MLF1: variants seen among roughly 807,000 people sequenced by gnomAD.
The protein encoded by MLF1 is myelodysplasia-myeloid leukemia factor 1.
In MLF1, 37 loss-of-function variants were observed where a neutral mutation model predicts 38.3. The ratio of observed to expected loss-of-function variants is 0.96; its 90% CI spans 0.74 to 1.27. The LOEUF (loss-of-function observed/expected upper bound fraction) is 1.27. Ranked by LOEUF, MLF1 falls within the 50% of genes most tolerant of loss-of-function variation. The pLI is 0.00. For missense variants in MLF1, 331 were observed against 349.2 expected (o/e 0.95, Z 0.42); for synonymous variants, 95 against 106.5 (o/e 0.89, Z 0.66).
rs1720456681 is a variant in MLF1 at position 158,606,047 on chromosome 3, C to T, written c.*845C>T. The stretch of plus-strand genomic sequence containing the variant: ...CATTTAGAAAAATGCATTTGGTATT[C>T]TCCAAACCAGAATGATACATTGTCT... On this transcript the variant is annotated 3_prime_UTR_variant, in exon 8 of 8. Transcript: ENST00000466246. 2 of 182,540 alleles carry T rather than the reference C, an allele frequency of 1.1e-5. No homozygotes were observed. Among genetic ancestry groups the T allele is most frequent in the Admixed American group, 6.3e-5 (1 of 15,962 alleles). 11.3% of individuals were successfully genotyped at this position (182,540 alleles called of 1,614,324 possible). A position where few individuals can be genotyped will look rare whatever the true frequency, so the allele number is the denominator to read the frequency against.
At chr3:158,592,056 G>C (rs761084181) in intron 1 of MLF1, among the ~76,000 whole-genome samples, 9 of 152,036 alleles carry the variant, frequency 5.9e-5, no homozygotes, top group African/African-American at 9.7e-5. Flanking sequence ...TTACAGTTGG[G>C]CAACATCATC....
rs1235725970 is a variant in MLF1 at position 158,606,164 on chromosome 3, T to TAA, written c.*963_*964insAA. 1 of 178,334 alleles carries TAA rather than the reference T, an allele frequency of 5.6e-6. No homozygotes were observed. The highest frequency in any genetic ancestry group is 9.4e-5 in the East Asian group (1 of 10,684). 11.0% of individuals were successfully genotyped at this position (178,334 alleles called of 1,614,324 possible). A position where few individuals can be genotyped will look rare whatever the true frequency, so the allele number is the denominator to read the frequency against. On this transcript the variant is annotated 3_prime_UTR_variant, in exon 8 of 8. Transcript: ENST00000466246. ...TAATTATACCATTAAAAATCAGCTT[T>TAA]AGCTTTTTAATTCTAGAATTTAAGC...
intron 1 of MLF1, among the ~76,000 whole-genome samples, chr3:158,576,823 C>T (rs1349779525): frequency 6.6e-6 from 1 of 151,978 alleles, no homozygotes; most frequent in Non-Finnish European, 1.5e-5. Flanking sequence ...CAGGCGCACA[C>T]CACCACACCC....
At chr3:158,581,452 T>G (rs1338146807) in intron 1 of MLF1, among the ~76,000 whole-genome samples, 1 of 152,098 alleles carries the variant, frequency 6.6e-6, no homozygotes, top group Admixed American at 6.6e-5. Context: ...AATACCCAAC[T>G]CCAGCTCCTC....
At position 158,571,525 on chromosome 3, in the gene MLF1, G is replaced by A. The variant is rs1311039149; in HGVS notation, c.47+178G>A. ...GAGGGAAGAGAGAGGAGGATTTAGGGGTGTGTGAGACAGGGAAGAGACGGA... is the reference window on the plus strand; with the variant it reads ...GAGGGAAGAGAGAGGAGGATTTAGGAGTGTGTGAGACAGGGAAGAGACGGA... On this transcript the variant is annotated intron_variant, in intron 1 of 7. Transcript: ENST00000466246. The A allele has an allele frequency of 6.9e-6, 5 of 724,216 alleles. No homozygotes were observed. The Admixed American group carries it at 1.2e-4, about 17-fold the overall frequency. The allele number at this position is 724,216 out of a possible 1,614,324, so 44.9% of individuals were successfully genotyped here.
chr3:158,590,263 T>C (rs1165196953), intron 1 of MLF1, among the ~76,000 whole-genome samples: 2 of 152,142 alleles, frequency 1.3e-5, no homozygotes, highest in Non-Finnish European at 2.9e-5. Flanking sequence ...TAATACAAAA[T>C]AAAACTACAA....
At chr3:158,597,495 C>T (rs1719059043) in intron 4 of MLF1, among the ~76,000 whole-genome samples, 1 of 152,064 alleles carries the variant, frequency 6.6e-6, no homozygotes, top group Non-Finnish European at 1.5e-5. Context: ...TAATAATACT[C>T]TCTATATTAA....
intron 5 of MLF1, 137 bp downstream of exon 5, chr3:158,598,345 A>T: frequency 3.6e-6 from 3 of 841,348 alleles, no homozygotes; most frequent in Non-Finnish European, 5.3e-6. Flanking sequence ...GGTTGGGGGT[A>T]AGGTAGTCCT....
At chr3:158,591,305 G>A (rs553805943) in intron 1 of MLF1, among the ~76,000 whole-genome samples, 25 of 151,658 alleles carry the variant, frequency 1.6e-4, no homozygotes, top group African/African-American at 2.7e-4. Flanking sequence ...GATTATAGGC[G>A]TACGTCACCA....
chr3:158,572,256 G>A (rs1341210865), intron 1 of MLF1, among the ~76,000 whole-genome samples: 4 of 133,054 alleles, frequency 3.0e-5, no homozygotes, highest in Admixed American at 7.4e-5. Flanking sequence ...GGTGGGGGGA[G>A]GAGGGTTGAG....
rs1042068878 is a variant in MLF1, at chr3:158,598,060, T to C, written c.325-20T>C. 1 of 1,609,024 alleles carries C rather than the reference T, an allele frequency of 6.2e-7. No homozygotes were observed. The highest frequency in any genetic ancestry group is 1.3e-5 in the African/African-American group (1 of 74,676). On this transcript the variant is annotated intron_variant, in intron 4 of 7. Coordinates refer to ENST00000466246, the MANE Select transcript of MLF1 (RefSeq NM_001369783.1). Reference sequence around the variant, plus strand: ...TATTTATATTTGACTCGACTGAATTTACAATTTGTTTACCTGTAGGGTCAA... The same window carrying C: ...TATTTATATTTGACTCGACTGAATTCACAATTTGTTTACCTGTAGGGTCAA...
intron 1 of MLF1, among the ~76,000 whole-genome samples, chr3:158,575,980 A>G (rs1327559567): frequency 1.3e-5 from 2 of 152,206 alleles, no homozygotes; most frequent in Admixed American, 1.3e-4. Flanking sequence ...ACTAGATACT[A>G]CGATGCTGAT....
chr3:158,586,474 G>T (rs762967223), intron 1 of MLF1, among the ~76,000 whole-genome samples: 1 of 152,110 alleles, frequency 6.6e-6, no homozygotes, highest in Non-Finnish European at 1.5e-5. Context: ...GAATTTAGAC[G>T]TAAGATACTA....
chr3:158,601,206 A>G (rs1384907022), intron 6 of MLF1, among the ~76,000 whole-genome samples: 6 of 152,078 alleles, frequency 3.9e-5, no homozygotes, highest in African/African-American at 1.4e-4. Flanking sequence ...AGGCCGAGGC[A>G]GGTAGATCAT....
intron 1 of MLF1, among the ~76,000 whole-genome samples, chr3:158,576,690 T>TTTTTTG (rs1491440232): frequency 7.3e-6 from 1 of 136,722 alleles, no homozygotes; most frequent in African/African-American, 2.8e-5. Flanking sequence ...TTTTTTTTTT[T>TTTTTTG]GAGACGGAGT....
chr3:158,584,314 T>G (rs1159671258), intron 1 of MLF1, among the ~76,000 whole-genome samples: 1 of 152,146 alleles, frequency 6.6e-6, no homozygotes, highest in East Asian at 1.9e-4. Flanking sequence ...GAAGGATAAA[T>G]GAACTAAATG....
chr3:158,576,986 T>A (rs945395202), intron 1 of MLF1, among the ~76,000 whole-genome samples: 3 of 152,188 alleles, frequency 2.0e-5, no homozygotes, highest in Non-Finnish European at 4.4e-5. Flanking sequence ...TAATTTTTAA[T>A]CATAAATTAT....
intron 1 of MLF1, among the ~76,000 whole-genome samples, chr3:158,577,484 A>G (rs1715641213): frequency 6.6e-6 from 1 of 152,202 alleles, no homozygotes; most frequent in African/African-American, 2.4e-5. Flanking sequence ...CTAAAATTTA[A>G]GTTACTTATT....
At chr3:158,574,505 TAAAAAAAAAAAAA>T (rs758915813) in intron 1 of MLF1, among the ~76,000 whole-genome samples, 3 of 91,408 alleles carry the variant, frequency 3.3e-5, no homozygotes, top group African/African-American at 1.7e-4. Context: ...CCATCTGTAC[TAAAAAAAAAAAAA>T]AAAAAAAAAT....
Sources: gnomAD v4.1 joint callset for allele counts (sites outside exome capture counted in the v4.1 genomes callset) on GRCh38, gnomAD v4.1.1 for gene constraint, MANE v1.5 for transcripts, NCBI Gene and HGNC (gene_info 2026-07-23, HGNC 2026-07-21) for gene names.